Variants in GPM6B observed in about 807,000 individuals in gnomAD.
The protein encoded by GPM6B is neuronal membrane glycoprotein M6-b.
GPM6B carries 4 observed loss-of-function variants against 27.2 expected under a neutral mutation model. The observed-to-expected ratio is 0.15, with a 90% CI of 0.07 to 0.34. The LOEUF is 0.34. Among genes scored for constraint, GPM6B ranks in the 10% least tolerant of loss-of-function variants. The pLI, the probability that GPM6B is intolerant of heterozygous loss-of-function variation, is 1.00. For missense variants in GPM6B, 183 were observed against 261.9 expected (o/e 0.70, Z 2.08); for synonymous variants, 124 against 103.1 (o/e 1.20, Z -1.23).
intron 1 of GPM6B, among the ~76,000 whole-genome samples, chrX:13,875,463 G>A (rs149290002): frequency 0.021 from 2,313 of 111,422 alleles, 66 homozygotes; most frequent in African/African-American, 0.072. Context: ...AGGCCGCACG[G>A]GTAGCTCCTC....
intron 1 of GPM6B, among the ~76,000 whole-genome samples, chrX:13,890,500 C>G (rs896026207): frequency 9.0e-6 from 1 of 111,442 alleles, no homozygotes; most frequent in Non-Finnish European, 1.9e-5. Context: ...GATTGGGACC[C>G]CTTTGTTGTA....
rs752553466 is a variant in GPM6B at position 13,806,092 on chromosome X, G to A, written c.181+1558C>T. Among the ~76,000 whole-genome samples, 5 of 111,378 alleles carry A rather than the reference G, an allele frequency of 4.5e-5. 1 individual carries two copies. In the South Asian group the frequency reaches 1.9e-3, roughly 42 times the overall value. On this transcript the variant is annotated intron_variant, in intron 2 of 7. Transcript: ENST00000316715. ...CAATGACTTTGAGTAAATGTACAGC[G>A]TTGTGTGACCATCGCCACAATCTAA...
At chrX:13,855,457 T>C (rs757017099) in intron 1 of GPM6B, among the ~76,000 whole-genome samples, 1 of 112,422 alleles carries the variant, frequency 8.9e-6, no homozygotes, top group South Asian at 3.7e-4. Flanking sequence ...TGCTGTATGG[T>C]ACAGTTCATT....
intron 1 of GPM6B, among the ~76,000 whole-genome samples, chrX:13,929,515 A>G (rs1921378154): frequency 1.8e-5 from 2 of 111,774 alleles, no homozygotes; most frequent in South Asian, 7.5e-4. Context: ...AAATCCTCCC[A>G]TTCTGCAGAT....
At chrX:13,795,742 CTTTTTT>C (rs146240939) in intron 2 of GPM6B, among the ~76,000 whole-genome samples, 5 of 82,785 alleles carry the variant, frequency 6.0e-5, no homozygotes, top group South Asian at 6.6e-4. Context: ...AATTTCTTTT[CTTTTTT>C]TTTTTTTTTT....
At chrX:13,931,644 C>T (rs1000789114) in intron 1 of GPM6B, among the ~76,000 whole-genome samples, 4 of 112,078 alleles carry the variant, frequency 3.6e-5, no homozygotes, top group Non-Finnish European at 7.5e-5. Flanking sequence ...AAAGCTAATA[C>T]TTCCCTTCCT....
At chrX:13,865,258 CTTCT>C (rs1028754673) in intron 1 of GPM6B, among the ~76,000 whole-genome samples, 2 of 110,602 alleles carry the variant, frequency 1.8e-5, no homozygotes, top group African/African-American at 6.6e-5. Flanking sequence ...TTCAACTCTG[CTTCT>C]TTGTTTCTAA....
At chrX:13,821,980 C>G (rs774548273), upstream of GPM6B, among the ~76,000 whole-genome samples, 16 of 112,007 alleles carry the variant, frequency 1.4e-4, no homozygotes, top group Non-Finnish European at 2.3e-4. Context: ...CTGACACATC[C>G]TTATCCTAGT....
chrX:13,843,912 T>C (rs929270557), intron 1 of GPM6B, among the ~76,000 whole-genome samples: 4 of 112,032 alleles, frequency 3.6e-5, no homozygotes, highest in African/African-American at 6.5e-5. Flanking sequence ...TTAATTCTGA[T>C]AAAGTCCAAT....
At chrX:13,892,956 A>G (rs943319065) in intron 1 of GPM6B, among the ~76,000 whole-genome samples, 1 of 111,897 alleles carries the variant, frequency 8.9e-6, no homozygotes, top group African/African-American at 3.2e-5. Flanking sequence ...TTGAGCCCAG[A>G]AGTTGAAGGT....
In GPM6B at chrX:13,838,133, GAA is replaced by G. The variant is rs59126207; in HGVS notation, c.-197-52327_-197-52326del. ...CTCCACTAGTAAAAAGGAAAAAAAA[GAA>G]AAAAAAAAAAAGGCAATATGGATGC... On this transcript the variant is annotated intron_variant, in intron 1 of 6. Coordinates refer to the GPM6B transcript ENST00000398361. Among the ~76,000 whole-genome samples the G allele has an allele frequency of 8.8e-3, 787 of 89,355 alleles. 14 individuals carry two copies. Among genetic ancestry groups the G allele is most frequent in the African/African-American group, 0.027 (693 of 25,655 alleles). The allele number at this position is 89,355 out of a possible 115,157, so 77.6% of individuals were successfully genotyped here.
intron 1 of GPM6B, among the ~76,000 whole-genome samples, chrX:13,814,531 T>C (rs778031718): frequency 1.5e-3 from 173 of 112,590 alleles, no homozygotes; most frequent in African/African-American, 5.3e-3. Flanking sequence ...AGTTTTCAAA[T>C]GTTAATTTCA....
At chrX:13,774,536 TA>T in intron 7 of GPM6B, 1 of 1,206,406 alleles carries the variant, frequency 8.3e-7, no homozygotes, top group Non-Finnish European at 1.1e-6. Context: ...TAAAACTCCT[TA>T]TGCAATTTAG....
At position 13,834,527 on chromosome X, in the gene GPM6B, C is replaced by G. The variant is rs7056818; in HGVS notation, c.-197-48719G>C. ...ATACAATTAAGTAAGCGAATGCATGCCATGGGCTTTGCTCAAGACCAAGGA... is the reference window on the plus strand; with the variant it reads ...ATACAATTAAGTAAGCGAATGCATGGCATGGGCTTTGCTCAAGACCAAGGA... On this transcript the variant is annotated intron_variant, in intron 1 of 6. Coordinates refer to the GPM6B transcript ENST00000398361. 9.5e-3 allele frequency among the ~76,000 whole-genome samples: 1,073 copies of G among 112,507 alleles called. 9 individuals carry two copies. The highest frequency in any genetic ancestry group is 0.033 in the African/African-American group (1,009 of 30,977).
chrX:13,821,626 T>TG (rs760056735), upstream of GPM6B, among the ~76,000 whole-genome samples: 8 of 112,123 alleles, frequency 7.1e-5, no homozygotes, highest in Non-Finnish European at 1.5e-4. Flanking sequence ...GACGGAGTTT[T>TG]GCTCTTGTTG....
chrX:13,794,460 G>A (rs1400479483), intron 2 of GPM6B, among the ~76,000 whole-genome samples: 1 of 111,926 alleles, frequency 8.9e-6, no homozygotes, highest in Non-Finnish European at 1.9e-5. Context: ...CTCTGAGCCA[G>A]GAGTGGGCCC....
chrX:13,835,795 G>A (rs2049488518), intron 1 of GPM6B, among the ~76,000 whole-genome samples: 1 of 112,347 alleles, frequency 8.9e-6, no homozygotes, highest in Admixed American at 9.4e-5. Flanking sequence ...AGAGGGGCTA[G>A]TGCATCCCTG....
chrX:13,785,625 T>C lies in GPM6B; in HGVS notation c.365A>G (p.Glu122Gly). Residue 122 changes from glutamate (E) to glycine (G), a missense_variant, in exon 3 of 8, where the codon GAG becomes GGG. Glu to Gly is a moderately conservative substitution (Grantham distance 98, BLOSUM62 -2). Coordinates refer to ENST00000316715, the MANE Select transcript of GPM6B (RefSeq NM_001001995.3). ...TNASDHALLS[E>G]VIQLMQYVIY... is the part of the protein sequence containing the mutation. The stretch of plus-strand genomic sequence containing the variant: ...TTAAAGGGAACCGGATACTTACACC[T>C]CGCTCAGCAAGGCATGGTCACTGGC... The C allele has an allele frequency of 8.3e-7, 1 of 1,210,525 alleles. No individual in the cohort carries two copies. Among genetic ancestry groups the C allele is most frequent in the Non-Finnish European group, 1.1e-6 (1 of 894,574 alleles).
intron 3 of GPM6B, among the ~76,000 whole-genome samples, chrX:13,784,689 T>G (rs1297259649): frequency 8.9e-6 from 1 of 111,795 alleles, no homozygotes; most frequent in Non-Finnish European, 1.9e-5. Flanking sequence ...GCTGCTGAGC[T>G]TGCACAGCTA....
Sources: allele counts gnomAD v4.1 joint callset (sites outside exome capture counted in the v4.1 genomes callset), GRCh38; gene constraint gnomAD v4.1.1; transcripts MANE v1.5; gene names NCBI Gene and HGNC (gene_info 2026-07-23, HGNC 2026-07-21).